The following OTUD7B variants were observed in gnomAD, a reference collection of about 807,000 sequenced individuals.
OTUD7B encodes the protein OTU domain-containing protein 7B.
Under a neutral mutation model 82.2 loss-of-function variants are expected in OTUD7B, and 34 were observed. The observed-to-expected ratio is 0.41, with a 90% CI of 0.31 to 0.55. The LOEUF (loss-of-function observed/expected upper bound fraction) is 0.55. Ranked by LOEUF, OTUD7B falls within the 20% of genes least tolerant of loss-of-function variation. The pLI, the probability that OTUD7B is intolerant of heterozygous loss-of-function variation, is 0.20. For missense variants in OTUD7B, 944 were observed against 1,062.1 expected (o/e 0.89, Z 1.55); for synonymous variants, 398 against 402.7 (o/e 0.99, Z 0.14).
the OTUD7B span, among the ~76,000 whole-genome samples, chr1:150,050,293 AAAAG>A: frequency 6.6e-6 from 1 of 152,226 alleles, no homozygotes; most frequent in African/African-American, 2.4e-5. Context: ...AAAAATAAAT[AAAAG>A]AAATAAATGA....
the OTUD7B span, among the ~76,000 whole-genome samples, chr1:150,026,349 A>G: frequency 2.6e-5 from 4 of 152,358 alleles, no homozygotes; most frequent in African/African-American, 9.6e-5. Flanking sequence ...AGCAACATAT[A>G]TCATAGACCA....
chr1:149,967,248 G>A, intron 4 of OTUD7B, 46 bp downstream of exon 4: 1 of 1,370,806 alleles, frequency 7.3e-7, no homozygotes, highest in Non-Finnish European at 1.0e-6. Flanking sequence ...GCTGCCTGTA[G>A]GTGGAGAGTA....
intron 6 of OTUD7B, chr1:149,962,815 CA>C (rs1202652519): frequency 6.6e-5 from 10 of 152,094 alleles, no homozygotes; most frequent in African/African-American, 2.4e-4. Flanking sequence ...GTGAAGAGGA[CA>C]AAGCTGACTA....
In OTUD7B at chr1:149,985,178, C is replaced by T. The variant is rs1346347312; in HGVS notation, c.-66-7602G>A. On this transcript the variant is annotated intron_variant, in intron 1 of 11. Transcript: ENST00000581312. ...ATCCCAGCACTTTGGGAGGCCGAGG[C>T]GGGCAGATCACTTAAGGTCAAAAGT... 2.6e-5 allele frequency among the ~76,000 whole-genome samples: 4 copies of T among 152,060 alleles called. No individual in the cohort carries two copies. The East Asian group carries it at 7.7e-4, about 29-fold the overall frequency.
the OTUD7B span, among the ~76,000 whole-genome samples, chr1:150,057,751 A>G: frequency 6.6e-6 from 1 of 152,250 alleles, no homozygotes; most frequent in African/African-American, 2.4e-5. Flanking sequence ...CATTATATAC[A>G]GTGAAACAGC....
In OTUD7B at chr1:149,944,253, C is replaced by G; in HGVS notation, c.2136G>C (p.Arg712=). The G allele has an allele frequency of 6.2e-7, 1 of 1,612,058 alleles. No homozygotes were observed. ...SGGGVHCQEP[R]RQLAGGPCVG... ...CACATGGACCCCCTGCCAACTGCCT[C>G]CGGGGTTCCTGGCAGTGGACTCCGC... Residue 712 remains arginine, a synonymous_variant, in exon 12 of 12, where the codon CGG becomes CGC. Coordinates refer to ENST00000581312, the MANE Select transcript of OTUD7B (RefSeq NM_020205.4).
At chr1:150,036,629 C>T in the OTUD7B span, among the ~76,000 whole-genome samples, 2 of 152,036 alleles carry the variant, frequency 1.3e-5, no homozygotes, top group Admixed American at 6.6e-5. Flanking sequence ...ACCATTTTTC[C>T]GTTGCTGAAA....
chr1:150,054,622 A>G, the OTUD7B span: 10 of 364,026 alleles, frequency 2.7e-5, no homozygotes, highest in East Asian at 7.6e-4. Context: ...AGCACGGCCA[A>G]CATGGTGAAA....
chr1:150,019,348 T>A, the OTUD7B span, among the ~76,000 whole-genome samples: 1 of 151,866 alleles, frequency 6.6e-6, no homozygotes, highest in Admixed American at 6.5e-5. Flanking sequence ...AAGCCCCCAA[T>A]TGTCTTTGTT....
rs1473631749 is a variant in OTUD7B at position 149,942,779 on chromosome 1, G to A, written c.*1078C>T. On this transcript the variant is annotated 3_prime_UTR_variant, in exon 12 of 12. Coordinates refer to ENST00000581312, the MANE Select transcript of OTUD7B (RefSeq NM_020205.4). ...AAAGGGAGAAAGAACCACTTAAGTAGGAGGAAAAAAAATCATTTTTTAAAT... is the reference window on the plus strand; with the variant it reads ...AAAGGGAGAAAGAACCACTTAAGTAAGAGGAAAAAAAATCATTTTTTAAAT... 1.3e-5 allele frequency: 2 copies of A among 152,452 alleles called. No homozygotes were observed. Among genetic ancestry groups the A allele is most frequent in the South Asian group, 2.1e-4 (1 of 4,812 alleles). The allele number at this position is 152,452 out of a possible 1,614,324, so 9.4% of individuals were successfully genotyped here.
the OTUD7B span, among the ~76,000 whole-genome samples, chr1:150,061,877 T>C: frequency 6.6e-6 from 1 of 152,226 alleles, no homozygotes; most frequent in Non-Finnish European, 1.5e-5. Flanking sequence ...GCAGAAATCA[T>C]AGGCTGTGAT....
intron 6 of OTUD7B, chr1:149,962,923 G>T (rs782693113): frequency 6.6e-6 from 1 of 152,160 alleles, no homozygotes; most frequent in Non-Finnish European, 1.5e-5. Flanking sequence ...AGCTTTTGGT[G>T]CTAAAAAAGA....
chr1:149,984,662 C>T (rs1185035951), intron 1 of OTUD7B, among the ~76,000 whole-genome samples: 1 of 152,166 alleles, frequency 6.6e-6, no homozygotes, highest in African/African-American at 2.4e-5. Context: ...ACCTGGGAAT[C>T]ATACAGGCAC....
chr1:149,968,860 G>A (rs1010461713), intron 3 of OTUD7B, among the ~76,000 whole-genome samples: 2 of 151,458 alleles, frequency 1.3e-5, no homozygotes, highest in Non-Finnish European at 2.9e-5. Flanking sequence ...ACAGGCACAC[G>A]CCACCACACC....
At chr1:150,039,562 G>T in the OTUD7B span, among the ~76,000 whole-genome samples, 1 of 151,864 alleles carries the variant, frequency 6.6e-6, no homozygotes, top group Non-Finnish European at 1.5e-5. Flanking sequence ...ATTTTTAATA[G>T]AGACAGAGTT....
In OTUD7B at chr1:149,964,309, T is replaced by G. The variant is rs1553776079; in HGVS notation, c.645A>C (p.Lys215Asn). 1.2e-6 allele frequency: 2 copies of G among 1,614,072 alleles called. No individual in the cohort carries two copies. The highest frequency in any genetic ancestry group is 1.7e-6 in the Non-Finnish European group (2 of 1,179,984). Reference sequence around the variant, plus strand: ...CCTTCTCCATCAGTGCATACAAAGCTTTCCGCAGCATCAAGTCCCGATCAT... The same window carrying G: ...CCTTCTCCATCAGTGCATACAAAGCGTTCCGCAGCATCAAGTCCCGATCAT... ...GFHDRDLMLR[K>N]ALYALMEKGV... The change falls in exon 6 of 12, where the codon AAA (lysine) becomes AAC (asparagine). Residue 215 changes from lysine to asparagine, a missense_variant. Around this residue, in one of 3 missense-constraint regions of OTUD7B, gnomAD observed 530 missense variants for 625.6 expected, o/e 0.85. Coordinates refer to ENST00000581312, the MANE Select transcript of OTUD7B (RefSeq NM_020205.4).
chr1:150,035,193 C>CAT, the OTUD7B span, among the ~76,000 whole-genome samples: 2 of 151,628 alleles, frequency 1.3e-5, no homozygotes, highest in Non-Finnish European at 2.9e-5. Flanking sequence ...CAGTACACTG[C>CAT]ATAACTGATT....
the OTUD7B span, among the ~76,000 whole-genome samples, chr1:150,038,479 T>A: frequency 2.6e-5 from 4 of 152,006 alleles, no homozygotes. Context: ...CTCCACCTCC[T>A]GGGTTCAAGT....
In OTUD7B at chr1:149,945,036, G is replaced by A. The variant is rs782348030; in HGVS notation, c.1353C>T (p.Thr451=). 18 of 1,613,806 alleles carry A rather than the reference G, an allele frequency of 1.1e-5. No individual in the cohort carries two copies. The highest frequency in any genetic ancestry group is 9.3e-5 in the African/African-American group (7 of 74,914). The part of the protein sequence containing the change: ...QAPLAQPESP[T]ASAGDEPRST... Reference sequence around the variant, plus strand: ...ACCGGGGCTCATCTCCAGCTGAGGCGGTGGGGGACTCAGGCTGGGCCAGAG... The same window carrying A: ...ACCGGGGCTCATCTCCAGCTGAGGCAGTGGGGGACTCAGGCTGGGCCAGAG... Residue 451 remains threonine, a synonymous_variant, in exon 12 of 12, where the codon ACC becomes ACT. Transcript: ENST00000581312.
Sources: gnomAD v4.1 joint callset for allele counts (sites outside exome capture counted in the v4.1 genomes callset) on GRCh38, gnomAD v4.1.1 for gene constraint, gnomAD v4.1.1 regional missense constraint, MANE v1.5 for transcripts, NCBI Gene and HGNC (gene_info 2026-07-23, HGNC 2026-07-21) for gene names.